The following EPHX4 variants were observed in gnomAD, a reference collection of about 807,000 sequenced individuals.
EPHX4 encodes epoxide hydrolase 4, also known as abhydrolase domain containing 7.
A neutral mutation model predicts 44.9 loss-of-function variants in EPHX4; 31 were observed. The ratio of observed to expected loss-of-function variants is 0.69; its 90% CI spans 0.52 to 0.93. The LOEUF is 0.93. Ranked by LOEUF, EPHX4 falls within the 40% of genes least tolerant of loss-of-function variation. EPHX4 has a pLI of 0.00. For missense variants in EPHX4, 373 were observed against 438.1 expected (o/e 0.85, Z 1.33); for synonymous variants, 151 against 159.7 (o/e 0.95, Z 0.41).
rs545923439 is a variant in EPHX4 at position 92,063,157 on chromosome 1, T to A, written c.960T>A (p.Ile320=). The A allele has an allele frequency of 2.4e-5, 39 of 1,614,140 alleles. 1 individual carries two copies. In the South Asian group the frequency reaches 4.2e-4, roughly 17 times the overall value. Residue 320 remains isoleucine, a synonymous_variant, in exon 7 of 7, where the codon ATT becomes ATA. Coordinates refer to ENST00000370383, the MANE Select transcript of EPHX4 (RefSeq NM_173567.5). ...MEVEMAEVTK[I]YVKNYFRLTI... is the part of the protein sequence containing the mutation. ...TTGAGATGGCTGAAGTCACAAAGAT[T>A]TATGTTAAAAACTATTTCAGGCTAA...
Position 92,030,163 on chromosome 1 carries a change from C to T in EPHX4, c.84C>T (p.Cys28=). 4 of 1,612,526 alleles carry T rather than the reference C, an allele frequency of 2.5e-6. No individual in the cohort carries two copies. The highest frequency in any genetic ancestry group is 2.5e-6 in the Non-Finnish European group (3 of 1,179,330). The change falls in exon 1 of 7, where the codon TGC becomes TGT. Residue 28 remains cysteine, a synonymous_variant. Coordinates refer to ENST00000370383, the MANE Select transcript of EPHX4 (RefSeq NM_173567.5). ...LLFWSLVYCY[C]GLCASIHLLK... ...TCTGGTCCCTGGTCTACTGCTACTG[C>T]GGGCTCTGCGCCTCCATCCACCTGC...
Position 92,051,457 on chromosome 1 carries a change from T to G in EPHX4, c.708+1037T>G, listed in dbSNP as rs976704803. The stretch of plus-strand genomic sequence containing the variant: ...AGTGCCTTCTTTCTTTTTTTTCTAA[T>G]TTTTTTTTAATATCACTTATTTATT... On this transcript the variant is annotated intron_variant, in intron 5 of 6. Transcript: ENST00000370383. 8.6e-5 allele frequency among the ~76,000 whole-genome samples: 13 copies of G among 151,630 alleles called. 1 individual carries two copies. In the South Asian group the frequency reaches 2.7e-3, roughly 32 times the overall value.
At chr1:92,062,584 CAAAA>C (rs1167530513) in intron 6 of EPHX4, among the ~76,000 whole-genome samples, 8 of 20,098 alleles carry the variant, frequency 4.0e-4, no homozygotes, top group African/African-American at 8.8e-4. Flanking sequence ...AACTCCATCT[CAAAA>C]AAAAAAAAAA....
At chr1:92,034,505 C>A (rs920916982) in intron 2 of EPHX4, among the ~76,000 whole-genome samples, 7 of 152,018 alleles carry the variant, frequency 4.6e-5, no homozygotes, top group Non-Finnish European at 7.4e-5. Flanking sequence ...TCCCCAAATT[C>A]TCCCTTACTA....
intron 6 of EPHX4, among the ~76,000 whole-genome samples, chr1:92,059,409 C>T (rs924342481): frequency 6.6e-6 from 1 of 151,980 alleles, no homozygotes; most frequent in African/African-American, 2.4e-5. Context: ...GCACTCCAGC[C>T]TTGGCAACAG....
intron 6 of EPHX4, among the ~76,000 whole-genome samples, chr1:92,057,928 C>A (rs577979890): frequency 6.6e-6 from 1 of 152,090 alleles, no homozygotes; most frequent in Non-Finnish European, 1.5e-5. Context: ...CACATAAAAT[C>A]CCACTGTTAA....
chr1:92,056,028 C>G (rs960642366), intron 6 of EPHX4, among the ~76,000 whole-genome samples: 2 of 151,464 alleles, frequency 1.3e-5, no homozygotes, highest in Non-Finnish European at 2.9e-5. Context: ...AGAATGAGAG[C>G]GAGCAGGCCT....
chr1:92,054,183 T>C (rs185939563), intron 6 of EPHX4, among the ~76,000 whole-genome samples: 49 of 152,324 alleles, frequency 3.2e-4, no homozygotes, highest in Admixed American at 1.5e-3. Context: ...CCTTAGGCTG[T>C]TAACATTCCC....
chr1:92,045,788 T>C (rs964709536), intron 4 of EPHX4, 128 bp downstream of exon 4: 7 of 1,021,438 alleles, frequency 6.9e-6, no homozygotes, highest in Non-Finnish European at 8.8e-6. Context: ...TAAACCATGA[T>C]AGCACATGAC....
chr1:92,036,211 C>G (rs1688434810), intron 2 of EPHX4, among the ~76,000 whole-genome samples: 1 of 152,194 alleles, frequency 6.6e-6, no homozygotes, highest in African/African-American at 2.4e-5. Context: ...CCTTATTCCC[C>G]TGGAATTTCA....
chr1:92,045,588 A>G lies in EPHX4; in HGVS notation c.532A>G (p.Ile178Val), dbSNP rs1202595259. Residue 178 changes from isoleucine (I) to valine (V), a missense_variant, in exon 4 of 7, where the codon ATT becomes GTT. Transcript: ENST00000370383. Reference protein sequence around the residue: ...HDWGGMIAWLIAICYPEMVMK... With the variant: ...HDWGGMIAWLVAICYPEMVMK... Reference sequence around the variant, plus strand: ...CTGGGGGGGCATGATTGCTTGGCTAATTGCCATCTGTTATCCTGAAATGGT... The same window carrying G: ...CTGGGGGGGCATGATTGCTTGGCTAGTTGCCATCTGTTATCCTGAAATGGT... 4 of 1,613,882 alleles carry G rather than the reference A, an allele frequency of 2.5e-6. No individual in the cohort carries two copies. The African/African-American group carries it at 5.3e-5, about 22-fold the overall frequency.
At chr1:92,041,655 T>C (rs1426163317) in intron 2 of EPHX4, among the ~76,000 whole-genome samples, 1 of 152,228 alleles carries the variant, frequency 6.6e-6, no homozygotes, top group Non-Finnish European at 1.5e-5. Flanking sequence ...ATAATCCATT[T>C]ATTATCTAGA....
Position 92,030,230 on chromosome 1 carries a change from T to C in EPHX4, c.151T>C (p.Phe51Leu). The change falls in exon 1 of 7, where the codon TTC becomes CTC. Residue 51 changes from phenylalanine to leucine, a missense_variant. Phe to Leu is a conservative substitution (Grantham distance 22, BLOSUM62 0). Transcript: ENST00000370383. Reference sequence around the variant, plus strand: ...CCTCGGCAAGGGGCCGGCGCAGACCTTCCGGCGGCCCGCCCGGGAGCACCC... The same window carrying C: ...CCTCGGCAAGGGGCCGGCGCAGACCCTCCGGCGGCCCGCCCGGGAGCACCC... ...WSLGKGPAQT[F>L]RRPAREHPPA... 2 of 1,604,450 alleles carry C rather than the reference T, an allele frequency of 1.2e-6. No individual in the cohort carries two copies. Among genetic ancestry groups the C allele is most frequent in the South Asian group, 2.2e-5 (2 of 89,554 alleles).
chr1:92,063,253 A>G lies in EPHX4; in HGVS notation c.1056A>G (p.Thr352=), dbSNP rs1240697303. ...QPDIVNKLIW[T]FLKEETRKKD ...ACATAGTGAACAAATTGATATGGACATTTCTAAAAGAAGAAACAAGAAAAA... is the reference window on the plus strand; with the variant it reads ...ACATAGTGAACAAATTGATATGGACGTTTCTAAAAGAAGAAACAAGAAAAA... The change falls in exon 7 of 7, where the codon ACA becomes ACG. Residue 352 remains threonine, a synonymous_variant. Coordinates refer to ENST00000370383, the MANE Select transcript of EPHX4 (RefSeq NM_173567.5). 6.3e-7 allele frequency: 1 copy of G among 1,598,812 alleles called. No individual in the cohort carries two copies. Among genetic ancestry groups the G allele is most frequent in the Non-Finnish European group, 8.6e-7 (1 of 1,168,928 alleles).
chr1:92,058,599 C>T (rs1320315548), intron 6 of EPHX4, among the ~76,000 whole-genome samples: 1 of 151,888 alleles, frequency 6.6e-6, no homozygotes, highest in Non-Finnish European at 1.5e-5. Flanking sequence ...AGGAGTGGAC[C>T]TCAGAGAGGT....
At chr1:92,060,890 T>A (rs1647481075) in intron 6 of EPHX4, among the ~76,000 whole-genome samples, 1 of 152,154 alleles carries the variant, frequency 6.6e-6, no homozygotes, top group South Asian at 2.1e-4. Flanking sequence ...GTATTCTTTT[T>A]TTTTTTTTTA....
intron 6 of EPHX4, among the ~76,000 whole-genome samples, chr1:92,057,825 T>G (rs1336461236): frequency 6.6e-6 from 1 of 152,110 alleles, no homozygotes; most frequent in East Asian, 1.9e-4. Context: ...GTCTCGGAAC[T>G]CCTGACCTCA....
chr1:92,042,079 G>A (rs996805239), intron 2 of EPHX4, among the ~76,000 whole-genome samples: 3 of 151,884 alleles, frequency 2.0e-5, no homozygotes, highest in African/African-American at 7.3e-5. Context: ...TTGACTTATT[G>A]GCCAGACATG....
rs1470706014 is a variant in EPHX4 at position 92,052,599 on chromosome 1, T to C, written c.798T>C (p.Tyr266=). 9.9e-6 allele frequency: 16 copies of C among 1,613,202 alleles called. No individual in the cohort carries two copies. The highest frequency in any genetic ancestry group is 1.3e-5 in the African/African-American group (1 of 74,918). ...CAGAGGATCTTGAAGCTTATATTTA[T>C]GTCTTTTCTCAGCCTGGAGCATTAA... ...LTTEDLEAYI[Y]VFSQPGALSG... is the part of the protein sequence containing the mutation. Residue 266 remains tyrosine, a synonymous_variant, in exon 6 of 7, where the codon TAT becomes TAC. Coordinates refer to ENST00000370383, the MANE Select transcript of EPHX4 (RefSeq NM_173567.5).
Sources: gnomAD v4.1 joint callset for allele counts (sites outside exome capture counted in the v4.1 genomes callset) on GRCh38, gnomAD v4.1.1 for gene constraint, MANE v1.5 for transcripts, NCBI Gene and HGNC (gene_info 2026-07-23, HGNC 2026-07-21) for gene names.